MED4: variants seen among roughly 807,000 people sequenced by gnomAD.
MED4 encodes mediator of RNA polymerase II transcription subunit 4.
In MED4, 21 loss-of-function variants were observed where a neutral mutation model predicts 35.0. That is an observed-to-expected ratio of 0.60 (90% CI 0.43 to 0.86). The LOEUF (loss-of-function observed/expected upper bound fraction) is 0.86, where lower values mean the gene tolerates loss of function less well. Ranked by LOEUF, MED4 falls within the 40% of genes least tolerant of loss-of-function variation. The probability of loss-of-function intolerance (pLI) is 0.00; values close to 1 mark genes in which losing one functional copy is unlikely to be tolerated. For synonymous variants in MED4, 138 were observed against 114.0 expected (o/e 1.21, Z -1.34); for missense variants, 300 against 319.4 (o/e 0.94, Z 0.46).
chr13:48,095,053 T>C lies in MED4; in HGVS notation c.26A>G (p.Lys9Arg). 3.7e-6 allele frequency: 6 copies of C among 1,605,422 alleles called. No individual in the cohort carries two copies. Among genetic ancestry groups the C allele is most frequent in the Non-Finnish European group, 5.1e-6 (6 of 1,179,886 alleles). The change falls in exon 1 of 7, where the codon AAG becomes AGG. Residue 9 changes from lysine to arginine, a missense_variant. Transcript: ENST00000258648. MAASSSGE[K>R]EKERLGGGLG... Reference sequence around the variant, plus strand: ...ACCGCCTCCCAGCCGCTCCTTCTCCTTCTCACCACTCGAAGACGCAGCCAT... The same window carrying C: ...ACCGCCTCCCAGCCGCTCCTTCTCCCTCTCACCACTCGAAGACGCAGCCAT...
intron 2 of MED4, among the ~76,000 whole-genome samples, chr13:48,089,989 C>T (rs1159666128): frequency 2.0e-5 from 3 of 152,182 alleles, no homozygotes; most frequent in Non-Finnish European, 4.4e-5. Context: ...TTACAATACA[C>T]GGTAAGTTTT....
chr13:48,093,157 G>C (rs1034275554), intron 1 of MED4, among the ~76,000 whole-genome samples: 1 of 152,122 alleles, frequency 6.6e-6, no homozygotes, highest in Non-Finnish European at 1.5e-5. Context: ...TACATTATTA[G>C]CAGTAATACA....
intron 3 of MED4, among the ~76,000 whole-genome samples, chr13:48,085,147 G>A (rs1325028943): frequency 6.6e-6 from 1 of 151,202 alleles, no homozygotes; most frequent in Non-Finnish European, 1.5e-5. Flanking sequence ...GGGATTACAA[G>A]TGTGAGCCAC....
chr13:48,093,260 T>C (rs1328167579), intron 1 of MED4, among the ~76,000 whole-genome samples: 1 of 152,116 alleles, frequency 6.6e-6, no homozygotes, highest in East Asian at 1.9e-4. Flanking sequence ...GAGTTACAAA[T>C]GGGTTAAAAA....
chr13:48,079,730 A>G (rs1264540376), intron 6 of MED4, 114 bp downstream of exon 6: 2 of 834,224 alleles, frequency 2.4e-6, no homozygotes, highest in Non-Finnish European at 3.1e-6. Context: ...CAAATTTACA[A>G]AAAAAAAAAA....
chr13:48,077,004 T>C lies in MED4; in HGVS notation c.*135A>G, dbSNP rs1405246465. ...AAGAAAGTCAAAAAATTTTGACTTTTAATGACTGCACAATTCTACCAAAGC... is the reference window on the plus strand; with the variant it reads ...AAGAAAGTCAAAAAATTTTGACTTTCAATGACTGCACAATTCTACCAAAGC... On this transcript the variant is annotated 3_prime_UTR_variant, in exon 7 of 7. Transcript: ENST00000258648. 1.3e-6 allele frequency: 1 copy of C among 772,114 alleles called. No homozygotes were observed. Among genetic ancestry groups the C allele is most frequent in the Admixed American group, 3.7e-5 (1 of 26,784 alleles). The allele number at this position is 772,114 out of a possible 1,614,324, so 47.8% of individuals were successfully genotyped here.
chr13:48,092,424 C>T (rs1405569047), intron 1 of MED4, among the ~76,000 whole-genome samples: 1 of 152,128 alleles, frequency 6.6e-6, no homozygotes, highest in Non-Finnish European at 1.5e-5. Context: ...GTGTTTCATT[C>T]TAAATGCAAT....
intron 3 of MED4, 126 bp downstream of exon 3, chr13:48,086,156 A>C: frequency 1.2e-6 from 1 of 822,340 alleles, no homozygotes; most frequent in South Asian, 1.8e-5. Context: ...ATGGTGAGTG[A>C]CAAGATATCA....
chr13:48,086,004 ATAAAAG>A (rs1261873916), intron 3 of MED4, among the ~76,000 whole-genome samples: 5 of 152,130 alleles, frequency 3.3e-5, no homozygotes, highest in Non-Finnish European at 7.4e-5. Context: ...TCAGACCAGG[ATAAAAG>A]TAAAACTTTC....
chr13:48,086,196 C>T, intron 3 of MED4, 86 bp downstream of exon 3: 2 of 1,294,514 alleles, frequency 1.5e-6, no homozygotes, highest in East Asian at 2.3e-5. Flanking sequence ...TAGTTTTCTG[C>T]TCTTCAAAAT....
intron 3 of MED4, among the ~76,000 whole-genome samples, chr13:48,084,537 TTTAA>T (rs1295655360): frequency 7.9e-5 from 12 of 152,358 alleles, no homozygotes; most frequent in African/African-American, 1.4e-4. Flanking sequence ...GTTCACTGTC[TTTAA>T]TTATTTATAA....
intron 3 of MED4, among the ~76,000 whole-genome samples, chr13:48,084,829 T>A (rs1190057657): frequency 6.6e-6 from 1 of 151,354 alleles, no homozygotes; most frequent in Admixed American, 6.6e-5. Context: ...TTTATATACA[T>A]ATTTACAGAT....
chr13:48,079,853 T>G lies in MED4; in HGVS notation c.631A>C (p.Arg211=), dbSNP rs1372415297. ...HLPGDALAAG[R]LPDVLAPQYP... ...TTCGGCTTAACATTACCTGGCAATC[T>G]TCCTGCTGCAAGTGCATCTCCTGGT... The change falls in exon 6 of 7, where the codon AGA becomes CGA. Residue 211 remains arginine, a synonymous_variant. Transcript: ENST00000258648. 6.2e-7 allele frequency: 1 copy of G among 1,613,568 alleles called. No individual in the cohort carries two copies. The highest frequency in any genetic ancestry group is 1.7e-5 in the Admixed American group (1 of 59,984).
chr13:48,078,114 AT>A (rs1330764037), intron 6 of MED4, among the ~76,000 whole-genome samples: 4 of 152,330 alleles, frequency 2.6e-5, no homozygotes, highest in Middle Eastern at 3.4e-3. Flanking sequence ...CCCAAGTTAC[AT>A]TTAAAGTCTG....
intron 2 of MED4, among the ~76,000 whole-genome samples, chr13:48,086,821 G>A (rs112495585): frequency 0.083 from 12,538 of 151,936 alleles, 708 homozygotes; most frequent in Non-Finnish European, 0.13. Context: ...AGGCTGATGC[G>A]GGCAGATCAC....
chr13:48,093,635 G>A (rs768984216), intron 1 of MED4: 3 of 465,444 alleles, frequency 6.4e-6, no homozygotes, highest in African/African-American at 2.0e-5. Context: ...TGATCCGCCC[G>A]CCTTGGCCTC....
Position 48,086,270 on chromosome 13 carries a change from C to T in MED4, c.363+12G>A. 2 of 1,609,228 alleles carry T rather than the reference C, an allele frequency of 1.2e-6. No homozygotes were observed. The highest frequency in any genetic ancestry group is 1.7e-4 in the Middle Eastern group (1 of 5,856). On this transcript the variant is annotated intron_variant, in intron 3 of 6. Coordinates refer to ENST00000258648, the MANE Select transcript of MED4 (RefSeq NM_014166.4). Reference sequence around the variant, plus strand: ...CCTTTTTAACCTTAAGAACCAACCTCTGTCAACTTACCAGTATTTGTTCTG... The same window carrying T: ...CCTTTTTAACCTTAAGAACCAACCTTTGTCAACTTACCAGTATTTGTTCTG...
Position 48,077,192 on chromosome 13 carries a change from C to A in MED4, c.760G>T (p.Asp254Tyr). 6.2e-7 allele frequency: 1 copy of A among 1,608,990 alleles called. No homozygotes were observed. The highest frequency in any genetic ancestry group is 8.5e-7 in the Non-Finnish European group (1 of 1,178,388). The part of the protein sequence containing the change: ...PPGHNKENED[D>Y]VEIMSTDSSS... ...GAGTCCGTTGACATAATCTCTACAT[C>A]ATCTTCATTTTCTTTATTATGCCCA... The change falls in exon 7 of 7, where the codon GAT becomes TAT. Residue 254 changes from aspartate (D) to tyrosine (Y), a missense_variant. By Grantham distance (160) the Asp-to-Tyr change is radical. Transcript: ENST00000258648.
chr13:48,094,670 G>A (rs1404377039), intron 1 of MED4, among the ~76,000 whole-genome samples: 1 of 152,020 alleles, frequency 6.6e-6, no homozygotes, highest in East Asian at 1.9e-4. Context: ...CCCCAATGCT[G>A]AGCCCCCAAG....
Sources: gnomAD v4.1 joint callset for allele counts (sites outside exome capture counted in the v4.1 genomes callset) on GRCh38, gnomAD v4.1.1 for gene constraint, MANE v1.5 for transcripts, NCBI Gene and HGNC (gene_info 2026-07-23, HGNC 2026-07-21) for gene names.